Variants in PCGF3 observed in about 807,000 individuals in gnomAD.
The protein encoded by PCGF3 is polycomb group ring finger 3, also known as polycomb group RING finger protein 3.
In PCGF3, 7 loss-of-function variants were observed where a neutral mutation model predicts 33.1. That is an observed-to-expected ratio of 0.21 (90% CI 0.12 to 0.40). PCGF3 has a LOEUF of 0.40. PCGF3 is among the 10% of genes least tolerant of loss of function. The probability of loss-of-function intolerance (pLI) is 1.00; values close to 1 mark genes in which losing one functional copy is unlikely to be tolerated. For missense variants in PCGF3, 211 were observed against 313.3 expected (o/e 0.67, Z 2.46); for synonymous variants, 153 against 121.3 (o/e 1.26, Z -1.72).
rs543692972 is a variant in PCGF3, at chr4:720,600, G to T, written c.-189-10030G>T. Among the ~76,000 whole-genome samples the T allele has an allele frequency of 2.0e-5, 3 of 150,622 alleles. No homozygotes were observed. Among genetic ancestry groups the T allele is most frequent in the Admixed American group, 6.6e-5 (1 of 15,122 alleles). ...CCCACGTGGACGGGCAGTGACGTGC[G>T]TGTGGACCCGGGGTGGACGGGCGGT... is the stretch of plus-strand genomic sequence containing the variant. On this transcript the variant is annotated intron_variant, in intron 1 of 10. Transcript: ENST00000362003. The surrounding 1 kb of genome is among the most constrained non-coding windows in gnomAD (Gnocchi z 5.6).
Position 720,137 on chromosome 4 carries a change from G to A in PCGF3, c.-189-10493G>A, listed in dbSNP as rs1332344290. On this transcript the variant is annotated intron_variant, in intron 1 of 10. Coordinates refer to ENST00000362003, the Ensembl canonical transcript of PCGF3. The surrounding 1 kb of genome is among the most constrained non-coding windows in gnomAD (Gnocchi z 5.6). Reference sequence around the variant, plus strand: ...CTTTCCCTCCTGAGTGACAGCCCTGGACGTGCTGTCGCCTCATGAGGACGC... The same window carrying A: ...CTTTCCCTCCTGAGTGACAGCCCTGAACGTGCTGTCGCCTCATGAGGACGC... Among the ~76,000 whole-genome samples, 1 of 152,224 alleles carries A rather than the reference G, an allele frequency of 6.6e-6. No homozygotes were observed. The highest frequency in any genetic ancestry group is 1.9e-4 in the East Asian group (1 of 5,198).
intron 8 of PCGF3, among the ~76,000 whole-genome samples, chr4:749,874 A>G (rs113858975): frequency 3.3e-5 from 5 of 151,828 alleles, no homozygotes; most frequent in Admixed American, 2.0e-4. Flanking sequence ...CTGGAGTGCA[A>G]TGGTGCAATC....
chr4:706,430 CG>C (rs1241006026), intron 1 of PCGF3, among the ~76,000 whole-genome samples: 6 of 128,732 alleles, frequency 4.7e-5, no homozygotes, highest in East Asian at 5.4e-4. Context: ...TCCGGGAGGT[CG>C]AAGACCCCAG....
chr4:719,120 A>G (rs1051018074), intron 1 of PCGF3, among the ~76,000 whole-genome samples: 2 of 151,558 alleles, frequency 1.3e-5, no homozygotes, highest in Non-Finnish European at 2.9e-5. Flanking sequence ...ATGCCCGGCT[A>G]TTTTTTGTAT....
intron 1 of PCGF3, among the ~76,000 whole-genome samples, chr4:708,063 G>A (rs1249314096): frequency 6.7e-6 from 1 of 150,174 alleles, no homozygotes; most frequent in East Asian, 2.0e-4. Flanking sequence ...CTGGGGGCCG[G>A]GACCCTGGGA....
intron 7 of PCGF3, chr4:744,012 C>G (rs538595117): frequency 6.0e-6 from 1 of 165,442 alleles, no homozygotes; most frequent in South Asian, 1.6e-4. Context: ...ATTTTATTTT[C>G]CTAATGGACC....
intron 6 of PCGF3, among the ~76,000 whole-genome samples, chr4:738,773 C>T (rs1042789470): frequency 4.6e-5 from 7 of 152,096 alleles, no homozygotes; most frequent in Middle Eastern, 3.4e-3. Flanking sequence ...GCAGGAGAAT[C>T]GCTTGAACCC....
chr4:719,748 T>G (rs1386189325), intron 1 of PCGF3, among the ~76,000 whole-genome samples: 1 of 152,018 alleles, frequency 6.6e-6, no homozygotes, highest in Admixed American at 6.5e-5. Context: ...AGGCCACAGG[T>G]GAACCAGGTG....
chr4:730,861 G>A (rs1243358222), intron 2 of PCGF3, 109 bp from the exon 3 acceptor site: 9 of 396,004 alleles, frequency 2.3e-5, no homozygotes, highest in Non-Finnish European at 2.7e-5. Context: ...ACCCCATTCC[G>A]CCCTTTGCTC....
In PCGF3 at chr4:720,416, G is replaced by A. The variant is rs921736170; in HGVS notation, c.-189-10214G>A. ...AGAGCAGCAGAGTGGTTTCAGCTCCGGGAGGTGGGGCTGCCCGTCCAGAGA... is the reference window on the plus strand; with the variant it reads ...AGAGCAGCAGAGTGGTTTCAGCTCCAGGAGGTGGGGCTGCCCGTCCAGAGA... On this transcript the variant is annotated intron_variant, in intron 1 of 10. Transcript: ENST00000362003. This position sits in a 1 kb window ranked among gnomAD's most constrained non-coding sequence, Gnocchi z 5.6. Among the ~76,000 whole-genome samples the A allele has an allele frequency of 3.3e-5, 5 of 152,140 alleles. No individual in the cohort carries two copies. Among genetic ancestry groups the A allele is most frequent in the Admixed American group, 1.3e-4 (2 of 15,280 alleles).
intron 1 of PCGF3, among the ~76,000 whole-genome samples, chr4:724,554 C>T (rs1397909931): frequency 8.5e-5 from 13 of 152,330 alleles, no homozygotes; most frequent in Admixed American, 3.9e-4. Context: ...TGGCCGGGCA[C>T]GGTGGCTCAC....
At chr4:760,117 G>C (rs1206995264) in intron 8 of PCGF3, among the ~76,000 whole-genome samples, 1 of 152,222 alleles carries the variant, frequency 6.6e-6, no homozygotes, top group Non-Finnish European at 1.5e-5. Context: ...GGCTCTTGCG[G>C]GGCCTTTAAT....
rs114209435 is a variant in PCGF3 at position 764,232 on chromosome 4, C to T, written c.601-752C>T. Among the ~76,000 whole-genome samples the T allele has an allele frequency of 7.4e-3, 1,131 of 152,258 alleles. 10 individuals are homozygous for T. The highest frequency in any genetic ancestry group is 0.022 in the African/African-American group (907 of 41,554). ...GGTGGCAGGGGGGTTCCAAGGGGGA[C>T]GGGAACTCCCTGTACCTTCCTCTCA... is the stretch of plus-strand genomic sequence containing the variant. On this transcript the variant is annotated intron_variant, in intron 9 of 10. Transcript: ENST00000362003.
At chr4:714,093 A>G (rs1387299742) in intron 1 of PCGF3, among the ~76,000 whole-genome samples, 1 of 152,078 alleles carries the variant, frequency 6.6e-6, no homozygotes, top group East Asian at 1.9e-4. Context: ...TGCCCTGATG[A>G]CAGGACCAGC....
At chr4:763,142 G>C (rs544006060) in intron 9 of PCGF3, among the ~76,000 whole-genome samples, 1 of 152,302 alleles carries the variant, frequency 6.6e-6, no homozygotes, top group African/African-American at 2.4e-5. Context: ...CAGGACACGG[G>C]GGGAAGGGAG....
At chr4:762,785 T>G (rs1560220118) in intron 9 of PCGF3, 1 of 152,180 alleles carries the variant, frequency 6.6e-6, no homozygotes, top group Admixed American at 6.5e-5. Flanking sequence ...ACTGAGTACA[T>G]TTCTATTGTT....
chr4:758,434 CCGAG>C (rs1744878249), intron 8 of PCGF3, among the ~76,000 whole-genome samples: 7 of 145,496 alleles, frequency 4.8e-5, no homozygotes, highest in Admixed American at 3.4e-4. Flanking sequence ...GGCCCCTCTC[CCGAG>C]TTCTTCTCCT....
intron 8 of PCGF3, among the ~76,000 whole-genome samples, chr4:760,000 G>C (rs57297500): frequency 0.073 from 11,116 of 151,268 alleles, 765 homozygotes; most frequent in South Asian, 0.14. Context: ...TCTTCTTCCC[G>C]CTCACATTGT....
chr4:761,603 C>G (rs1182905818), intron 9 of PCGF3, 187 bp downstream of exon 9: 1 of 954,836 alleles, frequency 1.0e-6, no homozygotes, highest in East Asian at 1.2e-4. Context: ...GTAGGATGCC[C>G]AGAGACAGGG....
Sources: allele counts gnomAD v4.1 joint callset (sites outside exome capture counted in the v4.1 genomes callset), GRCh38; gene constraint gnomAD v4.1.1; non-coding constraint Gnocchi (gnomAD v3.1); transcripts MANE v1.5; gene names NCBI Gene and HGNC (gene_info 2026-07-23, HGNC 2026-07-21).